RUSC2: variants seen among roughly 807,000 people sequenced by gnomAD.
RUSC2 encodes AP-4 complex accessory subunit RUSC2.
A neutral mutation model predicts 122.2 loss-of-function variants in RUSC2; 34 were observed. The ratio of observed to expected loss-of-function variants is 0.28; its 90% confidence interval spans 0.21 to 0.37. RUSC2 has a LOEUF of 0.37. Among genes scored for constraint, RUSC2 ranks in the 10% least tolerant of loss-of-function variants. The pLI is 1.00. For missense variants in RUSC2, 1,747 were observed against 1,952.4 expected, an observed-to-expected ratio of 0.89 and a Z score of 1.98; for synonymous variants, 784 against 790.0, an observed-to-expected ratio of 0.99 and a Z score of 0.13.
chr9:35,556,264 C>G (rs1822016426), intron 4 of RUSC2, 44 bp from the exon 5 acceptor site: 4 of 1,609,558 alleles, frequency 2.5e-6, no homozygotes, highest in Non-Finnish European at 3.4e-6. Flanking sequence ...CCTGGAACTC[C>G]TGCACTGAGA....
Position 35,560,781 on chromosome 9 carries a change from C to G in RUSC2, c.4141C>G (p.Pro1381Ala). 2 of 1,533,276 alleles carry G rather than the reference C, an allele frequency of 1.3e-6. No homozygotes were observed. Among genetic ancestry groups the G allele is most frequent in the Non-Finnish European group, 1.7e-6 (2 of 1,143,292 alleles). 95.0% of individuals were successfully genotyped at this position (1,533,276 alleles called of 1,614,324 possible). The change falls in exon 10 of 12, where the codon CCT becomes GCT. Residue 1381 changes from proline to alanine, a missense_variant. Coordinates refer to ENST00000361226, the MANE Select transcript of RUSC2 (RefSeq NM_014806.5). ...ENEEGASEPS[P>A]GGIKWGHLFG... Reference sequence around the variant, plus strand: ...TGAGGAAGGGGCCTCAGAGCCTTCACCTGGAGGCATCAAGTGGGGACACCT... The same window carrying G: ...TGAGGAAGGGGCCTCAGAGCCTTCAGCTGGAGGCATCAAGTGGGGACACCT...
Position 35,546,119 on chromosome 9 carries a change from G to C in RUSC2, c.-92-311G>C, listed in dbSNP as rs547676831. ...TGGTCATTGTTTACTGCCAAGGAGA[G>C]GGTCCTTGAAAGAGAAAGGGAAAGT... On this transcript the variant is annotated intron_variant, in intron 1 of 11. Transcript: ENST00000361226. This position sits in a 1 kb window ranked among gnomAD's most constrained non-coding sequence, Gnocchi z 4.3. Among the ~76,000 whole-genome samples the C allele has an allele frequency of 1.6e-4, 25 of 152,254 alleles. No individual in the cohort carries two copies. The highest frequency in any genetic ancestry group is 5.5e-4 in the African/African-American group (23 of 41,542).
intron 1 of RUSC2, among the ~76,000 whole-genome samples, chr9:35,498,066 AATC>A (rs903078761): frequency 6.6e-6 from 1 of 152,176 alleles, no homozygotes; most frequent in African/African-American, 2.4e-5. Context: ...ATTTGCAACT[AATC>A]ATTATTAGTT....
Position 35,557,880 on chromosome 9 carries a change from T to C in RUSC2, c.2984-34T>C. On this transcript the variant is annotated intron_variant, in intron 5 of 11. Coordinates refer to ENST00000361226, the MANE Select transcript of RUSC2 (RefSeq NM_014806.5). The surrounding 1 kb of genome is among the most constrained non-coding windows in gnomAD (Gnocchi z 4.6). ...CCAGCTGAGTTGGTTAAGGACTTGC[T>C]CAGGGACCTGTCACATCACATTCTT... 6.2e-7 allele frequency: 1 copy of C among 1,602,340 alleles called. No individual in the cohort carries two copies. Among genetic ancestry groups the C allele is most frequent in the Non-Finnish European group, 8.6e-7 (1 of 1,169,220 alleles).
chr9:35,505,044 A>C (rs528316611), intron 1 of RUSC2, among the ~76,000 whole-genome samples: 1 of 152,120 alleles, frequency 6.6e-6, no homozygotes, highest in Admixed American at 6.5e-5. Context: ...GTTGTTATGA[A>C]GTTAGATCTT....
At position 35,547,563 on chromosome 9, in the gene RUSC2, G is replaced by A; in HGVS notation, c.1042G>A (p.Gly348Ser). ...HHPESGGREG[G>S]YGCPHASSPE... Reference sequence around the variant, plus strand: ...CCCTGAAAGTGGAGGAAGGGAAGGGGGCTATGGTTGCCCTCATGCCTCTTC... The same window carrying A: ...CCCTGAAAGTGGAGGAAGGGAAGGGAGCTATGGTTGCCCTCATGCCTCTTC... The change falls in exon 2 of 12, where the codon GGC (glycine) becomes AGC (serine). Residue 348 changes from glycine (G) to serine (S), a missense_variant. Transcript: ENST00000361226. The surrounding 1 kb of genome is among the most constrained non-coding windows in gnomAD (Gnocchi z 4.6). 1 of 1,614,132 alleles carries A rather than the reference G, an allele frequency of 6.2e-7. No homozygotes were observed. Among genetic ancestry groups the A allele is most frequent in the Non-Finnish European group, 8.5e-7 (1 of 1,180,018 alleles).
chr9:35,558,227 A>T lies in RUSC2; in HGVS notation c.3091A>T (p.Asn1031Tyr). The T allele has an allele frequency of 6.2e-7, 1 of 1,613,870 alleles. No individual in the cohort carries two copies. Among genetic ancestry groups the T allele is most frequent in the Non-Finnish European group, 8.5e-7 (1 of 1,180,002 alleles). ...GCTGGGAAACAGTTCTGTGAGCCCC[A>T]ATGTGGGCCACCTGGTTCTGAAGTA... ...AKLGNSSVSP[N>Y]VGHLVLKYLC... Residue 1031 changes from asparagine to tyrosine, a missense_variant, in exon 7 of 12, where the codon AAT becomes TAT. Transcript: ENST00000361226. This position sits in a 1 kb window ranked among gnomAD's most constrained non-coding sequence, Gnocchi z 4.3.
chr9:35,557,558 C>T lies in RUSC2; in HGVS notation c.2984-356C>T, dbSNP rs1822049951. ...GAACCGCCCTTGTCTGGCACTGGCA[C>T]TGGGGTGAGGGACTTGGGTTTTCTT... On this transcript the variant is annotated intron_variant, in intron 5 of 11. Coordinates refer to ENST00000361226, the MANE Select transcript of RUSC2 (RefSeq NM_014806.5). The surrounding 1 kb of genome is among the most constrained non-coding windows in gnomAD (Gnocchi z 4.6). 6.6e-6 allele frequency among the ~76,000 whole-genome samples: 1 copy of T among 152,106 alleles called. No individual in the cohort carries two copies. The highest frequency in any genetic ancestry group is 2.4e-5 in the African/African-American group (1 of 41,418).
chr9:35,518,371 G>A (rs1177666795), intron 1 of RUSC2, among the ~76,000 whole-genome samples: 2 of 152,182 alleles, frequency 1.3e-5, no homozygotes, highest in Admixed American at 6.5e-5. Flanking sequence ...GTACATTTTT[G>A]TCATTCCACA....
At chr9:35,550,210 CAAA>C (rs75685185) in intron 2 of RUSC2, among the ~76,000 whole-genome samples, 1 of 106,368 alleles carries the variant, frequency 9.4e-6, no homozygotes, top group African/African-American at 3.6e-5. Flanking sequence ...AACTCCACCT[CAAA>C]AAAAAAAAAA....
chr9:35,502,416 T>C (rs1820833803), intron 1 of RUSC2, among the ~76,000 whole-genome samples: 1 of 152,200 alleles, frequency 6.6e-6, no homozygotes. Context: ...TTTATAAATC[T>C]CTCACTCCCT....
chr9:35,529,231 C>CTTAT (rs1821376144), intron 1 of RUSC2, among the ~76,000 whole-genome samples: 1 of 152,060 alleles, frequency 6.6e-6, no homozygotes, highest in South Asian at 2.1e-4. Flanking sequence ...TTGGCAAACT[C>CTTAT]AGATGCCTTA....
intron 1 of RUSC2, among the ~76,000 whole-genome samples, chr9:35,516,759 A>C (rs1452604106): frequency 6.6e-6 from 1 of 152,182 alleles, no homozygotes; most frequent in Non-Finnish European, 1.5e-5. Context: ...CCTTGCATAG[A>C]GAGGCCTTTA....
At chr9:35,533,222 G>C (rs1002048058) in intron 1 of RUSC2, among the ~76,000 whole-genome samples, 5 of 149,464 alleles carry the variant, frequency 3.3e-5, no homozygotes, top group Non-Finnish European at 6.0e-5. Flanking sequence ...ACTCCAGCCT[G>C]GGTGACAGAG....
At chr9:35,529,707 G>A (rs945400234) in intron 1 of RUSC2, among the ~76,000 whole-genome samples, 1 of 151,706 alleles carries the variant, frequency 6.6e-6, no homozygotes, top group Non-Finnish European at 1.5e-5. Context: ...GGAATGTACT[G>A]ACTGAAGACA....
rs780246645 is a variant in RUSC2, at chr9:35,546,483, T to C, written c.-39T>C. Reference sequence around the variant, plus strand: ...CTGCCCCACTGGGCTCCAGGGACAGTGTCTGGTGCTGTTGAAGCCCTTATT... The same window carrying C: ...CTGCCCCACTGGGCTCCAGGGACAGCGTCTGGTGCTGTTGAAGCCCTTATT... On this transcript the variant is annotated 5_prime_UTR_variant, in exon 2 of 12. Transcript: ENST00000361226. The surrounding 1 kb of genome is among the most constrained non-coding windows in gnomAD (Gnocchi z 4.3). The C allele has an allele frequency of 1.5e-6, 2 of 1,336,518 alleles. No individual in the cohort carries two copies. Among genetic ancestry groups the C allele is most frequent in the Non-Finnish European group, 9.7e-7 (1 of 1,032,110 alleles). The allele number at this position is 1,336,518 out of a possible 1,614,324, so 82.8% of individuals were successfully genotyped here.
intron 2 of RUSC2, among the ~76,000 whole-genome samples, chr9:35,551,946 C>G (rs1275045352): frequency 6.6e-6 from 1 of 152,080 alleles, no homozygotes; most frequent in Non-Finnish European, 1.5e-5. Context: ...TGCCTGTAGT[C>G]CTAGCTACTC....
rs769664555 is a variant in RUSC2 at position 35,547,759 on chromosome 9, C to G, written c.1238C>G (p.Ala413Gly). 3.1e-6 allele frequency: 5 copies of G among 1,614,064 alleles called. No homozygotes were observed. The highest frequency in any genetic ancestry group is 4.5e-5 in the East Asian group (2 of 44,900). The change falls in exon 2 of 12, where the codon GCT becomes GGT. Residue 413 changes from alanine (A) to glycine (G), a missense_variant. Coordinates refer to ENST00000361226, the MANE Select transcript of RUSC2 (RefSeq NM_014806.5). The surrounding 1 kb of genome is among the most constrained non-coding windows in gnomAD (Gnocchi z 4.6). Reference sequence around the variant, plus strand: ...TCTTCCCAATCATCCCCAAGCCCTGCTGGCTCTTCCATCACTAGCTGCTCT... The same window carrying G: ...TCTTCCCAATCATCCCCAAGCCCTGGTGGCTCTTCCATCACTAGCTGCTCT... ...DLSSQSSPSP[A>G]GSSITSCSEE...
At position 35,556,354 on chromosome 9, in the gene RUSC2, C is replaced by T. The variant is rs1285503283; in HGVS notation, c.2889C>T (p.Asp963=). The T allele has an allele frequency of 6.2e-7, 1 of 1,614,222 alleles. No homozygotes were observed. The highest frequency in any genetic ancestry group is 8.5e-7 in the Non-Finnish European group (1 of 1,180,036). Residue 963 remains aspartate (D), a synonymous_variant, in exon 5 of 12, where the codon GAC becomes GAT. Transcript: ENST00000361226. ...PLPLTCPDFQ[D]PFSLTEKPPA... ...CACTGACCTGCCCTGACTTCCAGGA[C>T]CCCTTTTCCTTGACGGAGAAGCCTC...
Sources: gnomAD v4.1 joint callset for allele counts (sites outside exome capture counted in the v4.1 genomes callset) on GRCh38, gnomAD v4.1.1 for gene constraint, Gnocchi (gnomAD v3.1) non-coding constraint, MANE v1.5 for transcripts, NCBI Gene and HGNC (gene_info 2026-07-23, HGNC 2026-07-21) for gene names.